DACH2: variants seen among roughly 807,000 people sequenced by gnomAD.
The protein encoded by DACH2 is dachshund homolog 2.
Under a neutral mutation model 35.8 loss-of-function variants are expected in DACH2, and 17 were observed. The ratio of observed to expected loss-of-function variants is 0.48; its 90% CI spans 0.33 to 0.71. The LOEUF (loss-of-function observed/expected upper bound fraction) is 0.71, where lower values mean the gene tolerates loss of function less well. Among genes scored for constraint, DACH2 ranks in the 30% least tolerant of loss-of-function variants. The pLI, the probability that DACH2 is intolerant of heterozygous loss-of-function variation, is 0.02. For missense variants in DACH2, 469 were observed against 472.7 expected (o/e 0.99, Z 0.07); for synonymous variants, 195 against 177.3 (o/e 1.10, Z -0.79).
intron 2 of DACH2, among the ~76,000 whole-genome samples, chrX:86,442,486 T>C (rs2037185167): frequency 9.3e-6 from 1 of 107,939 alleles, no homozygotes; most frequent in African/African-American, 3.4e-5. Context: ...ATTTTTTCTC[T>C]CATTTTGTAG....
intron 4 of DACH2, among the ~76,000 whole-genome samples, chrX:86,684,339 A>G (rs754844244): frequency 1.2e-4 from 13 of 111,877 alleles, no homozygotes; most frequent in African/African-American, 3.9e-4. Flanking sequence ...AAAAGAAGAG[A>G]TGAATTATTC....
At chrX:86,819,344 G>T (rs1232644921) in intron 11 of DACH2, among the ~76,000 whole-genome samples, 1 of 110,317 alleles carries the variant, frequency 9.1e-6, no homozygotes, top group Non-Finnish European at 1.9e-5. Context: ...ACTCAGTTGA[G>T]GGCCTGCAAG....
At chrX:86,469,613 T>C (rs1157277862) in intron 2 of DACH2, among the ~76,000 whole-genome samples, 1 of 111,165 alleles carries the variant, frequency 9.0e-6, no homozygotes, top group Non-Finnish European at 1.9e-5. Context: ...TAAGTATTAG[T>C]AGTTACATGA....
chrX:86,366,676 G>A (rs1006159980), intron 1 of DACH2, among the ~76,000 whole-genome samples: 1 of 110,922 alleles, frequency 9.0e-6, no homozygotes, highest in African/African-American at 3.3e-5. Context: ...CTGGAGGGGG[G>A]TCCTGGTGGG....
intron 3 of DACH2, among the ~76,000 whole-genome samples, chrX:86,604,716 T>A (rs2039835728): frequency 9.0e-6 from 1 of 111,472 alleles, no homozygotes; most frequent in Non-Finnish European, 1.9e-5. Flanking sequence ...ATCATCTAGG[T>A]AGCCCCAATG....
At chrX:86,640,930 T>C (rs2040338390) in intron 3 of DACH2, among the ~76,000 whole-genome samples, 1 of 111,639 alleles carries the variant, frequency 9.0e-6, no homozygotes, top group African/African-American at 3.3e-5. Context: ...GGTGAAAACA[T>C]CCAAAAAAGA....
chrX:86,703,141 C>A (rs1205370314), intron 5 of DACH2, among the ~76,000 whole-genome samples: 5 of 111,090 alleles, frequency 4.5e-5, no homozygotes, highest in Non-Finnish European at 7.6e-5. Context: ...ACGTGATTCA[C>A]CACCTAAACA....
At chrX:86,670,428 C>G (rs1403080375) in intron 4 of DACH2, among the ~76,000 whole-genome samples, 1 of 111,529 alleles carries the variant, frequency 9.0e-6, no homozygotes, top group Non-Finnish European at 1.9e-5. Context: ...AATTGCCTCT[C>G]TCTGCAATGT....
chrX:86,539,111 G>A (rs1225017890), intron 3 of DACH2, among the ~76,000 whole-genome samples: 1 of 111,049 alleles, frequency 9.0e-6, no homozygotes, highest in Non-Finnish European at 1.9e-5. Flanking sequence ...TACGTTTTCA[G>A]GGAGGGACCC....
At chrX:86,752,527 T>G (rs1027327500) in intron 7 of DACH2, among the ~76,000 whole-genome samples, 1 of 112,001 alleles carries the variant, frequency 8.9e-6, no homozygotes, top group Admixed American at 9.5e-5. Flanking sequence ...TAGTAATCAC[T>G]ATGTAATGCT....
intron 3 of DACH2, among the ~76,000 whole-genome samples, chrX:86,600,962 G>C (rs929735429): frequency 9.0e-6 from 1 of 111,524 alleles, no homozygotes; most frequent in Non-Finnish European, 1.9e-5. Context: ...CCTGTGGTCA[G>C]AGAGGGAGAT....
intron 1 of DACH2, among the ~76,000 whole-genome samples, chrX:86,226,331 T>A (rs2032822252): frequency 9.0e-6 from 1 of 111,577 alleles, no homozygotes; most frequent in Non-Finnish European, 1.9e-5. Flanking sequence ...CAGCTATCAA[T>A]GCAAAAGTTT....
At position 86,411,056 on chromosome X, in the gene DACH2, G is replaced by A. The variant is rs2036606330; in HGVS notation, c.527+34194G>A. On this transcript the variant is annotated intron_variant, in intron 2 of 11. Transcript: ENST00000373125. ...TATATATATGTATATATGTAAAGGG[G>A]AGTTTATTTAGTATTAACTTACACG... is the stretch of plus-strand genomic sequence containing the variant. Among the ~76,000 whole-genome samples the A allele has an allele frequency of 1.9e-4, 5 of 25,804 alleles. 1 individual carries two copies. The South Asian group carries it at 0.011, about 56-fold the overall frequency. 22.4% of individuals were successfully genotyped at this position (25,804 alleles called of 115,157 possible).
intron 2 of DACH2, among the ~76,000 whole-genome samples, chrX:86,432,627 G>A (rs1347782665): frequency 1.8e-5 from 2 of 111,933 alleles, no homozygotes; most frequent in Non-Finnish European, 3.8e-5. Context: ...GTGACACTAT[G>A]CATTGGAGAC....
intron 4 of DACH2, among the ~76,000 whole-genome samples, chrX:86,668,470 C>T (rs189811704): frequency 1.8e-5 from 2 of 112,081 alleles, no homozygotes; most frequent in East Asian, 5.6e-4. Flanking sequence ...AGCAGAGGTG[C>T]AGCATGAACT....
In DACH2 at chrX:86,163,816, C is replaced by A. The variant is rs188012994; in HGVS notation, c.488+14708C>A. 5.4e-5 allele frequency among the ~76,000 whole-genome samples: 6 copies of A among 110,900 alleles called. No homozygotes were observed. The Admixed American group carries it at 5.8e-4, about 11-fold the overall frequency. On this transcript the variant is annotated intron_variant, in intron 1 of 11. Transcript: ENST00000373125. ...GTATATGTATCACTTTTTTTTAATC[C>A]ATTTCTGTCATCGATGGGCATGTAT...
intron 2 of DACH2, among the ~76,000 whole-genome samples, chrX:86,427,838 T>A (rs932626421): frequency 8.9e-6 from 1 of 112,123 alleles, no homozygotes; most frequent in Non-Finnish European, 1.9e-5. Context: ...AAGGAAATGT[T>A]TATGTTTACA....
intron 2 of DACH2, among the ~76,000 whole-genome samples, chrX:86,477,297 A>G (rs1011510535): frequency 2.0e-5 from 2 of 101,671 alleles, no homozygotes; most frequent in South Asian, 8.9e-4. Flanking sequence ...TTTAGCTCTA[A>G]TAATATTCCC....
At chrX:86,388,900 T>C (rs1156347804) in intron 2 of DACH2, among the ~76,000 whole-genome samples, 1 of 111,709 alleles carries the variant, frequency 9.0e-6, no homozygotes, top group Admixed American at 9.6e-5. Context: ...ATTGCTGTTA[T>C]TCACACTCTG....
Sources: allele counts gnomAD v4.1 joint callset (sites outside exome capture counted in the v4.1 genomes callset), GRCh38; gene constraint gnomAD v4.1.1; transcripts MANE v1.5; gene names NCBI Gene and HGNC (gene_info 2026-07-23, HGNC 2026-07-21).